Variants in OPCML observed in about 807,000 individuals in gnomAD.
OPCML encodes opioid binding protein/cell adhesion molecule like, also known as opioid-binding protein/cell adhesion molecule.
In OPCML, 13 loss-of-function variants were observed where a neutral mutation model predicts 37.8. The ratio of observed to expected loss-of-function variants is 0.34; its 90% CI spans 0.22 to 0.55. The LOEUF (loss-of-function observed/expected upper bound fraction) is 0.55. Among genes scored for constraint, OPCML ranks in the 20% least tolerant of loss-of-function variants. The pLI is 0.91. For missense variants in OPCML, 341 were observed against 435.6 expected, an observed-to-expected ratio of 0.78 and a Z score of 1.93; for synonymous variants, 176 against 168.8, an observed-to-expected ratio of 1.04 and a Z score of -0.33.
intron 4 of OPCML, among the ~76,000 whole-genome samples, chr11:132,486,564 T>C (rs534627864): frequency 7.2e-5 from 11 of 152,242 alleles, no homozygotes; most frequent in African/African-American, 2.6e-4. Flanking sequence ...CCCACCAAAA[T>C]CCTGCAGTAA....
intron 1 of OPCML, among the ~76,000 whole-genome samples, chr11:133,514,937 C>T (rs1375925609): frequency 1.3e-5 from 2 of 152,134 alleles, no homozygotes; most frequent in African/African-American, 4.8e-5. Context: ...ATGGTGCAAG[C>T]CTTCTCATAT....
At chr11:132,902,616 C>G (rs1944101744) in intron 2 of OPCML, among the ~76,000 whole-genome samples, 1 of 152,142 alleles carries the variant, frequency 6.6e-6, no homozygotes, top group South Asian at 2.1e-4. Context: ...ACCCAGAAGT[C>G]TGGTGCTTCT....
intron 1 of OPCML, among the ~76,000 whole-genome samples, chr11:133,256,091 T>A (rs1941303879): frequency 6.6e-6 from 1 of 152,222 alleles, no homozygotes; most frequent in South Asian, 2.1e-4. Flanking sequence ...TTATATGGAT[T>A]TTGTTTCTAT....
intron 1 of OPCML, among the ~76,000 whole-genome samples, chr11:133,460,562 G>A (rs947250184): frequency 4.6e-5 from 7 of 151,766 alleles, no homozygotes; most frequent in South Asian, 2.1e-4. Context: ...TACTATAAAC[G>A]ATTGTACACT....
intron 1 of OPCML, among the ~76,000 whole-genome samples, chr11:132,980,217 T>A (rs1283680352): frequency 1.3e-5 from 2 of 152,162 alleles, no homozygotes. Flanking sequence ...GAGGTCTCAG[T>A]AACCTCTAGC....
At chr11:132,891,725 T>C (rs1429003485) in intron 2 of OPCML, among the ~76,000 whole-genome samples, 1 of 152,254 alleles carries the variant, frequency 6.6e-6, no homozygotes, top group Non-Finnish European at 1.5e-5. Flanking sequence ...AATGAATGTA[T>C]AAATATTTTG....
chr11:132,835,396 A>C (rs1940949373), intron 2 of OPCML, among the ~76,000 whole-genome samples: 1 of 152,246 alleles, frequency 6.6e-6, no homozygotes, highest in African/African-American at 2.4e-5. Context: ...TTAAATCAGA[A>C]GTCAGTACTG....
chr11:133,243,494 A>G (rs1389941677), intron 1 of OPCML, among the ~76,000 whole-genome samples: 1 of 152,212 alleles, frequency 6.6e-6, no homozygotes, highest in African/African-American at 2.4e-5. Flanking sequence ...CTTACTGTAA[A>G]TGTGTTCACA....
chr11:132,726,806 A>C (rs1190457035), intron 2 of OPCML, among the ~76,000 whole-genome samples: 2 of 152,018 alleles, frequency 1.3e-5, no homozygotes, highest in Non-Finnish European at 2.9e-5. Context: ...CTATTACTTT[A>C]AGTTACCGCT....
At chr11:132,441,015 A>T (rs2096030771) in intron 4 of OPCML, among the ~76,000 whole-genome samples, 1 of 152,006 alleles carries the variant, frequency 6.6e-6, no homozygotes. Context: ...TAAAGGAAGG[A>T]AAACGGGCAG....
chr11:133,400,992 A>T (rs1340940003), intron 1 of OPCML, among the ~76,000 whole-genome samples: 2 of 152,244 alleles, frequency 1.3e-5, no homozygotes, highest in African/African-American at 2.4e-5. Flanking sequence ...AAGCGTCAGA[A>T]TATGGAGAAA....
rs1317935395 is a variant in OPCML at position 133,173,600 on chromosome 11, A to AC, written c.62-230591dup. ...TTCAAATCACATCACCTTTCAAATC[A>AC]CCCCCCAGATGCCTCTCATTGCAAA... On this transcript the variant is annotated intron_variant, in intron 1 of 7. Coordinates refer to ENST00000524381, the MANE Select transcript of OPCML (RefSeq NM_001012393.5). This position sits in a 1 kb window ranked among gnomAD's most constrained non-coding sequence, Gnocchi z 7.8. Among the ~76,000 whole-genome samples the AC allele has an allele frequency of 3.3e-5, 5 of 151,288 alleles. No individual in the cohort carries two copies. The highest frequency in any genetic ancestry group is 2.1e-4 in the South Asian group (1 of 4,766).
At chr11:132,473,945 C>G (rs547807495) in intron 4 of OPCML, among the ~76,000 whole-genome samples, 4 of 152,176 alleles carry the variant, frequency 2.6e-5, no homozygotes, top group African/African-American at 9.7e-5. Context: ...ACAGCACTCT[C>G]TACAATCTAA....
intron 1 of OPCML, among the ~76,000 whole-genome samples, chr11:133,191,364 C>T (rs1184086578): frequency 3.3e-5 from 5 of 152,022 alleles, no homozygotes; most frequent in Admixed American, 3.3e-4. Context: ...CCTGTTGCTT[C>T]CTTGTTAATG....
chr11:132,514,299 G>A (rs2096275185), intron 4 of OPCML, among the ~76,000 whole-genome samples: 1 of 152,176 alleles, frequency 6.6e-6, no homozygotes, highest in African/African-American at 2.4e-5. Context: ...AGTTGAGACA[G>A]TCCAGCAAGC....
intron 1 of OPCML, among the ~76,000 whole-genome samples, chr11:133,280,576 C>T (rs1459840520): frequency 6.6e-6 from 1 of 152,220 alleles, no homozygotes; most frequent in Non-Finnish European, 1.5e-5. Context: ...CTAACATTGG[C>T]TCTGTTGACT....
In OPCML at chr11:132,770,561, C is replaced by T. The variant is rs78084380; in HGVS notation, c.147-113242G>A. Among the ~76,000 whole-genome samples the T allele has an allele frequency of 6.1e-3, 932 of 152,242 alleles. 3 individuals are homozygous for T. Among genetic ancestry groups the T allele is most frequent in the Non-Finnish European group, 8.9e-3 (603 of 68,014 alleles). ...AAGCCTTTCATGGGAGAACTAATTT[C>T]CCACCTGATTTTCCTACCAGGTGGC... On this transcript the variant is annotated intron_variant, in intron 2 of 7. Coordinates refer to ENST00000524381, the MANE Select transcript of OPCML (RefSeq NM_001012393.5).
At chr11:132,424,188 C>T (rs573293687) in intron 7 of OPCML, among the ~76,000 whole-genome samples, 3 of 151,562 alleles carry the variant, frequency 2.0e-5, no homozygotes, top group South Asian at 2.1e-4. Flanking sequence ...GGCGTGATCT[C>T]GGCTCACTGC....
chr11:132,884,751 A>C (rs1943346677), intron 2 of OPCML, among the ~76,000 whole-genome samples: 1 of 152,226 alleles, frequency 6.6e-6, no homozygotes, highest in Admixed American at 6.5e-5. Context: ...ACAAATAATA[A>C]TAACAGTAAG....
Sources: allele counts gnomAD v4.1 joint callset (sites outside exome capture counted in the v4.1 genomes callset), GRCh38; gene constraint gnomAD v4.1.1; non-coding constraint Gnocchi (gnomAD v3.1); transcripts MANE v1.5; gene names NCBI Gene and HGNC (gene_info 2026-07-23, HGNC 2026-07-21).